The following FGFR2 variants were observed in gnomAD, a reference collection of about 807,000 sequenced individuals.
FGFR2 encodes fibroblast growth factor receptor 2.
A neutral mutation model predicts 95.9 loss-of-function variants in FGFR2; 19 were observed. That is an observed-to-expected ratio of 0.20 (90% CI 0.14 to 0.29). The LOEUF (loss-of-function observed/expected upper bound fraction) is 0.29, where lower values mean the gene tolerates loss of function less well. Ranked by LOEUF, FGFR2 falls within the 10% of genes least tolerant of loss-of-function variation. FGFR2 has a pLI of 1.00. For synonymous variants in FGFR2, 392 were observed against 393.3 expected, an observed-to-expected ratio of 1.00 and a Z score of 0.04; for missense variants, 707 against 1,056.9, an observed-to-expected ratio of 0.67 and a Z score of 4.59.
intron 4 of FGFR2, among the ~76,000 whole-genome samples, chr10:121,551,800 G>A (rs995697920): frequency 1.3e-5 from 2 of 151,934 alleles, no homozygotes; most frequent in African/African-American, 2.4e-5. Context: ...ATACAACTGC[G>A]ACAGCTCAGT....
chr10:121,504,022 T>C, intron 9 of FGFR2, 81 bp from the exon 10 acceptor site: 2 of 1,541,272 alleles, frequency 1.3e-6, no homozygotes, highest in Non-Finnish European at 1.8e-6. Flanking sequence ...CCAGCCAGAG[T>C]ATCGAATCTT....
intron 6 of FGFR2, chr10:121,526,699 T>C (rs1046307964): frequency 7.8e-5 from 31 of 398,524 alleles, no homozygotes; most frequent in Middle Eastern, 6.3e-4. Flanking sequence ...AATAGATGAG[T>C]GGGCTGGGAT....
At chr10:121,571,082 G>A (rs902839680) in intron 2 of FGFR2, among the ~76,000 whole-genome samples, 8 of 151,182 alleles carry the variant, frequency 5.3e-5, no homozygotes, top group South Asian at 2.1e-4. Context: ...TCCACCTCCC[G>A]GGTTCACGCT....
In FGFR2 at chr10:121,561,074, T is replaced by C. The variant is rs187619870; in HGVS notation, c.454+3428A>G. 5.4e-3 allele frequency among the ~76,000 whole-genome samples: 815 copies of C among 152,290 alleles called. 5 individuals are homozygous for C. Among genetic ancestry groups the C allele is most frequent in the Non-Finnish European group, 7.2e-3 (488 of 68,014 alleles). On this transcript the variant is annotated intron_variant, in intron 4 of 17. Coordinates refer to ENST00000358487, the MANE Select transcript of FGFR2 (RefSeq NM_000141.5). ...GAGACTCAGGGACAAATCTAAGTCTTCACTTAAGTAACTCATTTATCCGAG... is the reference window on the plus strand; with the variant it reads ...GAGACTCAGGGACAAATCTAAGTCTCCACTTAAGTAACTCATTTATCCGAG...
At chr10:121,554,796 C>CA (rs1167584767) in intron 4 of FGFR2, among the ~76,000 whole-genome samples, 1 of 152,182 alleles carries the variant, frequency 6.6e-6, no homozygotes, top group African/African-American at 2.4e-5. Flanking sequence ...CCTTCATCAG[C>CA]AGCCTTGTGT....
chr10:121,565,879 G>C, intron 2 of FGFR2, 175 bp from the exon 3 acceptor site: 1 of 723,262 alleles, frequency 1.4e-6, no homozygotes. Flanking sequence ...GGAAGTATCT[G>C]GAAGAGCAAC....
At chr10:121,574,163 G>T (rs1859312449) in intron 2 of FGFR2, among the ~76,000 whole-genome samples, 1 of 152,122 alleles carries the variant, frequency 6.6e-6, no homozygotes, top group South Asian at 2.1e-4. Flanking sequence ...GTTTCTGGAA[G>T]AGCCCAGCCC....
intron 5 of FGFR2, among the ~76,000 whole-genome samples, chr10:121,539,528 T>C (rs1853377011): frequency 6.6e-6 from 1 of 152,204 alleles, no homozygotes; most frequent in Non-Finnish European, 1.5e-5. Flanking sequence ...AATATTTCCA[T>C]AGACTCAAAT....
At chr10:121,539,771 T>G (rs1853415136) in intron 5 of FGFR2, among the ~76,000 whole-genome samples, 1 of 152,186 alleles carries the variant, frequency 6.6e-6, no homozygotes, top group African/African-American at 2.4e-5. Context: ...CAAGTGTTTT[T>G]GGGTTAATCA....
At position 121,480,240 on chromosome 10, in the gene FGFR2, G is replaced by T. The variant is rs3135823; in HGVS notation, c.2302-219C>A. On this transcript the variant is annotated intron_variant, in intron 17 of 17. Coordinates refer to ENST00000358487, the MANE Select transcript of FGFR2 (RefSeq NM_000141.5). ...ACCCAGCCCACCTGACTTCCACGAAGACCTCCCTGAGACCACGTCTGATGT... is the reference window on the plus strand; with the variant it reads ...ACCCAGCCCACCTGACTTCCACGAATACCTCCCTGAGACCACGTCTGATGT... 1,130 of 655,944 alleles carry T rather than the reference G, an allele frequency of 1.7e-3. 12 individuals carry two copies. The African/African-American group carries it at 0.018, about 11-fold the overall frequency. The allele number at this position is 655,944 out of a possible 1,614,324, so 40.6% of individuals were successfully genotyped here. A position where few individuals can be genotyped will look rare whatever the true frequency, so the allele number is the denominator to read the frequency against.
chr10:121,559,655 G>C (rs1431549825), intron 4 of FGFR2, among the ~76,000 whole-genome samples: 1 of 152,210 alleles, frequency 6.6e-6, no homozygotes, highest in Non-Finnish European at 1.5e-5. Flanking sequence ...TCACTGCAGA[G>C]CACCCATTTC....
chr10:121,590,988 C>T (rs1040883644), intron 2 of FGFR2, among the ~76,000 whole-genome samples: 21 of 148,100 alleles, frequency 1.4e-4, no homozygotes, highest in South Asian at 2.1e-4. Flanking sequence ...CGCGCACTCG[C>T]GCACACACAC....
intron 13 of FGFR2, among the ~76,000 whole-genome samples, chr10:121,494,773 C>T (rs532623754): frequency 1.9e-4 from 29 of 152,290 alleles, no homozygotes; most frequent in African/African-American, 6.7e-4. Flanking sequence ...AACTGAGCTG[C>T]AGGCATCACT....
chr10:121,597,264 C>G (rs1564761402), intron 1 of FGFR2, among the ~76,000 whole-genome samples: 1 of 152,202 alleles, frequency 6.6e-6, no homozygotes, highest in Non-Finnish European at 1.5e-5. Flanking sequence ...AAAATGAGCG[C>G]GCAAGTTAGA....
At chr10:121,589,358 A>G (rs1184077718) in intron 2 of FGFR2, among the ~76,000 whole-genome samples, 1 of 152,254 alleles carries the variant, frequency 6.6e-6, no homozygotes, top group East Asian at 1.9e-4. Context: ...CTTCCAGTTT[A>G]AACACGACCC....
chr10:121,519,759 T>C (rs1215263584), intron 7 of FGFR2, among the ~76,000 whole-genome samples: 1 of 152,202 alleles, frequency 6.6e-6, no homozygotes, highest in Admixed American at 6.5e-5. Context: ...AGTTTAGTAG[T>C]TCTTCCCCAA....
intron 6 of FGFR2, among the ~76,000 whole-genome samples, chr10:121,521,497 T>C (rs1194417454): frequency 2.0e-5 from 3 of 150,090 alleles, no homozygotes; most frequent in Non-Finnish European, 4.5e-5. Context: ...AGGACTTAAC[T>C]ATGCATTTCT....
Position 121,478,406 on chromosome 10 carries a change from T to C in FGFR2, c.*1451A>G, listed in dbSNP as rs1048914855. The stretch of plus-strand genomic sequence containing the variant: ...TCTGTAGAAACATTTTTATTGTCAG[T>C]ATAAAAATTAACAGGTTTTATTAAA... On this transcript the variant is annotated 3_prime_UTR_variant, in exon 18 of 18. Coordinates refer to ENST00000358487, the MANE Select transcript of FGFR2 (RefSeq NM_000141.5). 4.3e-6 allele frequency: 1 copy of C among 233,188 alleles called. No individual in the cohort carries two copies. The highest frequency in any genetic ancestry group is 2.2e-5 in the African/African-American group (1 of 45,324). The allele number at this position is 233,188 out of a possible 1,614,324, so 14.4% of individuals were successfully genotyped here.
intron 13 of FGFR2, among the ~76,000 whole-genome samples, chr10:121,493,843 T>TGC (rs1846443547): frequency 6.6e-6 from 1 of 152,102 alleles, no homozygotes; most frequent in Non-Finnish European, 1.5e-5. Context: ...CTATGCCCCC[T>TGC]GCCCCAGCCC....
Sources: allele counts gnomAD v4.1 joint callset (sites outside exome capture counted in the v4.1 genomes callset), GRCh38; gene constraint gnomAD v4.1.1; transcripts MANE v1.5; gene names NCBI Gene and HGNC (gene_info 2026-07-23, HGNC 2026-07-21).